The following TSHR variants were observed in gnomAD, a reference collection of about 807,000 sequenced individuals.
TSHR encodes the protein thyroid stimulating hormone receptor, also known as thyrotropin receptor.
TSHR carries 51 observed loss-of-function variants against 64.1 expected under a neutral mutation model. The observed-to-expected ratio is 0.80, with a 90% CI of 0.64 to 1.01. TSHR has a LOEUF of 1.01. TSHR is among the 50% of genes least tolerant of loss of function. The pLI, the probability that TSHR is intolerant of heterozygous loss-of-function variation, is 0.00. For missense variants in TSHR, 877 were observed against 942.8 expected (o/e 0.93, Z 0.91); for synonymous variants, 361 against 361.9 (o/e 1.00, Z 0.03).
At chr14:81,113,639 T>C (rs1890331418) in intron 8 of TSHR, among the ~76,000 whole-genome samples, 1 of 152,222 alleles carries the variant, frequency 6.6e-6, no homozygotes, top group Admixed American at 6.5e-5. Flanking sequence ...AAAAAGCATG[T>C]ATTTTTAATG....
At chr14:81,031,444 T>C (rs139637677) in intron 1 of TSHR, among the ~76,000 whole-genome samples, 2,563 of 152,294 alleles carry the variant, frequency 0.017, 48 homozygotes, top group South Asian at 0.051. Context: ...CTAGGAATTA[T>C]TATTTAATAT....
chr14:80,977,331 C>T (rs974482470), intron 1 of TSHR, among the ~76,000 whole-genome samples: 1 of 152,218 alleles, frequency 6.6e-6, no homozygotes, highest in African/African-American at 2.4e-5. Context: ...GCCATGTGAT[C>T]CCTGTTGTAC....
At chr14:81,005,361 C>A (rs575216750) in intron 1 of TSHR, among the ~76,000 whole-genome samples, 1 of 151,764 alleles carries the variant, frequency 6.6e-6, no homozygotes, top group Non-Finnish European at 1.5e-5. Context: ...GTATAATATA[C>A]TATGTAAATT....
At chr14:81,046,558 A>C (rs2139857534) in intron 1 of TSHR, among the ~76,000 whole-genome samples, 1 of 152,170 alleles carries the variant, frequency 6.6e-6, no homozygotes, top group Admixed American at 6.5e-5. Flanking sequence ...ATATGACAAT[A>C]TCAAGTGATC....
At chr14:81,033,558 T>G (rs568588839) in intron 1 of TSHR, among the ~76,000 whole-genome samples, 110 of 129,124 alleles carry the variant, frequency 8.5e-4, no homozygotes, top group African/African-American at 3.4e-3. Flanking sequence ...AAAATCAGGG[T>G]TTTTTTTTTT....
At chr14:81,050,382 T>C (rs892616172) in intron 1 of TSHR, 4 of 152,202 alleles carry the variant, frequency 2.6e-5, no homozygotes, top group African/African-American at 4.8e-5. Context: ...CCTGTTTTGA[T>C]TGATTTCATG....
At chr14:80,968,698 C>T (rs1447361687) in intron 1 of TSHR, among the ~76,000 whole-genome samples, 4 of 152,172 alleles carry the variant, frequency 2.6e-5, no homozygotes, top group African/African-American at 4.8e-5. Flanking sequence ...TTTTCTCCTT[C>T]ACCATTATCT....
chr14:81,109,079 G>C, intron 8 of TSHR: 1 of 906,924 alleles, frequency 1.1e-6, no homozygotes, highest in South Asian at 2.3e-5. Context: ...CCTCAGTTTA[G>C]AATCTCATCA....
rs181366227 is a variant in TSHR at position 80,991,497 on chromosome 14, A to G, written c.170+35647A>G. 56 of 397,846 alleles carry G rather than the reference A, an allele frequency of 1.4e-4. 1 individual carries two copies. Among genetic ancestry groups the G allele is most frequent in the African/African-American group, 1.1e-3 (52 of 48,740 alleles). 24.6% of individuals were successfully genotyped at this position (397,846 alleles called of 1,614,324 possible). ...GTGACATGTCCCAGAATTTTGCTTC[A>G]TTTTATTATTAACGCAACCATTCTT... On this transcript the variant is annotated intron_variant, in intron 1 of 9. Coordinates refer to ENST00000298171, the MANE Select transcript of TSHR (RefSeq NM_000369.5).
chr14:81,005,983 G>T (rs1480734797), intron 1 of TSHR, among the ~76,000 whole-genome samples: 2 of 152,010 alleles, frequency 1.3e-5, no homozygotes, highest in Admixed American at 1.3e-4. Context: ...TATCATAAAT[G>T]AGCAAAATCT....
chr14:81,068,294 C>T lies in TSHR; in HGVS notation c.283C>T (p.His95Tyr), dbSNP rs2139910087. 1 of 1,613,224 alleles carries T rather than the reference C, an allele frequency of 6.2e-7. No individual in the cohort carries two copies. Among genetic ancestry groups the T allele is most frequent in the Non-Finnish European group, 8.5e-7 (1 of 1,179,446 alleles). The change falls in exon 3 of 10, where the codon CAC becomes TAC. Residue 95 changes from histidine to tyrosine, a missense_variant. Transcript: ENST00000298171. ...TGTGACTCTGCAGCAGCTGGAATCA[C>T]ACTCCTTCTACAATTTGAGTAAAGT... ...IDVTLQQLES[H>Y]SFYNLSKVTH...
intron 8 of TSHR, among the ~76,000 whole-genome samples, chr14:81,109,881 T>C (rs887199564): frequency 1.3e-5 from 2 of 152,184 alleles, no homozygotes; most frequent in African/African-American, 2.4e-5. Context: ...GGGGAAAAAA[T>C]GTATTAACCT....
intron 7 of TSHR, chr14:81,104,637 G>A (rs912458971): frequency 2.0e-6 from 2 of 985,266 alleles, no homozygotes; most frequent in African/African-American, 3.5e-5. Context: ...ACAGAAAAGG[G>A]CGTACATAAA....
At chr14:80,989,226 C>T (rs1029206739) in intron 1 of TSHR, among the ~76,000 whole-genome samples, 1 of 152,170 alleles carries the variant, frequency 6.6e-6, no homozygotes, top group Admixed American at 6.6e-5. Flanking sequence ...GCATTTTTTA[C>T]ACTAGCTTCA....
intron 1 of TSHR, chr14:80,959,608 A>G (rs999849495): frequency 1.3e-5 from 2 of 152,224 alleles, no homozygotes; most frequent in African/African-American, 2.4e-5. Context: ...CAGTTTCATT[A>G]TGACAGTAAC....
chr14:81,104,936 T>A, intron 7 of TSHR: 1 of 985,418 alleles, frequency 1.0e-6, no homozygotes, highest in Non-Finnish European at 1.2e-6. Flanking sequence ...TTAAAGGAAA[T>A]ACCAGTTCTT....
At position 81,123,359 on chromosome 14, in the gene TSHR, G is replaced by T. The variant is rs151093829; in HGVS notation, c.692+14907G>T. 2.2e-4 allele frequency among the ~76,000 whole-genome samples: 33 copies of T among 152,168 alleles called. 1 individual carries two copies. In the East Asian group the frequency reaches 5.8e-3, roughly 27 times the overall value. On this transcript the variant is annotated intron_variant, in intron 8 of 9. Transcript: ENST00000298171. ...TCTTTAATTCTTGTCTTGATCTTTT[G>T]TCAAAATCTCCATTATTTTTTCCCA... is the stretch of plus-strand genomic sequence containing the variant.
intron 1 of TSHR, among the ~76,000 whole-genome samples, chr14:81,031,157 G>A (rs7152819): frequency 4.6e-5 from 7 of 152,076 alleles, no homozygotes; most frequent in South Asian, 2.1e-4. Flanking sequence ...CTCCTGCACC[G>A]GAGGAAGGGG....
intron 1 of TSHR, chr14:80,981,905 G>A: frequency 4.9e-6 from 1 of 204,266 alleles, no homozygotes; most frequent in Non-Finnish European, 1.1e-5. Flanking sequence ...CCCTGACACA[G>A]TGAAAGAGTA....
Sources: gnomAD v4.1 joint callset for allele counts (sites outside exome capture counted in the v4.1 genomes callset) on GRCh38, gnomAD v4.1.1 for gene constraint, MANE v1.5 for transcripts, NCBI Gene and HGNC (gene_info 2026-07-23, HGNC 2026-07-21) for gene names.